Variants in CPNE2 observed in about 807,000 individuals in gnomAD.
The protein encoded by CPNE2 is copine 2.
CPNE2 carries 42 observed loss-of-function variants against 69.7 expected under a neutral mutation model. The ratio of observed to expected loss-of-function variants is 0.60; its 90% confidence interval spans 0.47 to 0.78. The LOEUF (loss-of-function observed/expected upper bound fraction) is 0.78. CPNE2 is among the 30% of genes least tolerant of loss of function. The pLI, the probability that CPNE2 is intolerant of heterozygous loss-of-function variation, is 0.00. For missense variants in CPNE2, 587 were observed against 732.0 expected, an observed-to-expected ratio of 0.80 and a Z score of 2.29; for synonymous variants, 294 against 289.8, an observed-to-expected ratio of 1.01 and a Z score of -0.15.
At chr16:57,110,629 C>T in intron 1 of CPNE2, 79 bp from the exon 2 acceptor site, 1 of 935,606 alleles carries the variant, frequency 1.1e-6, no homozygotes, top group Non-Finnish European at 1.5e-6. Flanking sequence ...TCTTAAAGGC[C>T]AGGTGGTAAT....
intron 1 of CPNE2, among the ~76,000 whole-genome samples, chr16:57,110,224 CTTTTT>C (rs145923720): frequency 5.9e-5 from 7 of 119,056 alleles, no homozygotes; most frequent in Non-Finnish European, 7.1e-5. Flanking sequence ...CTTTTCTTTT[CTTTTT>C]TTTTTTTTTT....
chr16:57,128,457 C>G (rs1219053860), intron 12 of CPNE2, among the ~76,000 whole-genome samples: 1 of 152,058 alleles, frequency 6.6e-6, no homozygotes, highest in Admixed American at 6.5e-5. Context: ...AAACTCCTGA[C>G]CTCAGGTGAT....
intron 12 of CPNE2, among the ~76,000 whole-genome samples, chr16:57,128,837 C>A (rs558174915): frequency 6.6e-6 from 1 of 152,270 alleles, no homozygotes; most frequent in South Asian, 2.1e-4. Context: ...TTAGCTCCGT[C>A]TTATAAGGGA....
chr16:57,123,297 A>C, intron 9 of CPNE2, 117 bp from the exon 10 acceptor site: 1 of 999,286 alleles, frequency 1.0e-6, no homozygotes, highest in Non-Finnish European at 1.6e-6. Context: ...GATCAGGCCC[A>C]TCAGCTTTTT....
chr16:57,136,964 G>A (rs2069886121), intron 13 of CPNE2, among the ~76,000 whole-genome samples, 185 bp from the exon 14 acceptor site: 2 of 152,180 alleles, frequency 1.3e-5, no homozygotes, highest in Admixed American at 6.5e-5. Flanking sequence ...TCACATTCAG[G>A]GCTCTTGGCT....
rs1180190070 is a variant in CPNE2 at position 57,115,489 on chromosome 16, A to C, written c.374A>C (p.Lys125Thr). Residue 125 changes from lysine (K) to threonine (T), a missense_variant, in exon 4 of 16, where the codon AAG (lysine) becomes ACG (threonine). Transcript: ENST00000290776. Reference sequence around the variant, plus strand: ...TCTCTCCCCTAGATCGTCTCCAGCAAGAAGATCACTAGGCCTCTGCTGCTG... The same window carrying C: ...TCTCTCCCCTAGATCGTCTCCAGCACGAAGATCACTAGGCCTCTGCTGCTG... ...SCSLGTIVSS[K>T]KITRPLLLLN... The C allele has an allele frequency of 1.2e-6, 2 of 1,612,038 alleles. No homozygotes were observed. The highest frequency in any genetic ancestry group is 1.7e-6 in the Non-Finnish European group (2 of 1,178,934).
At chr16:57,115,423 T>A in intron 3 of CPNE2, 53 bp from the exon 4 acceptor site, 1 of 1,450,918 alleles carries the variant, frequency 6.9e-7, no homozygotes, top group Non-Finnish European at 9.6e-7. Flanking sequence ...GATTTTTCCT[T>A]CCCGGGCTTC....
At chr16:57,118,676 GGATGGATGGATGGATA>G (rs1463779563) in intron 5 of CPNE2, among the ~76,000 whole-genome samples, 10 of 151,698 alleles carry the variant, frequency 6.6e-5, no homozygotes, top group Admixed American at 5.2e-4. Flanking sequence ...ATGGATGGAT[GGATGGATGGATGGATA>G]GATAGATAGA....
rs939076899 is a variant in CPNE2, at chr16:57,146,605, C to T, written c.1539+284C>T. 16 of 440,622 alleles carry T rather than the reference C, an allele frequency of 3.6e-5. No individual in the cohort carries two copies. Among genetic ancestry groups the T allele is most frequent in the Middle Eastern group, 6.4e-4 (1 of 1,568 alleles). 27.3% of individuals were successfully genotyped at this position (440,622 alleles called of 1,614,324 possible). On this transcript the variant is annotated intron_variant, in intron 15 of 15. Transcript: ENST00000290776. The surrounding 1 kb of genome is among the most constrained non-coding windows in gnomAD (Gnocchi z 4.4). ...GGCAGGGCTTCCTGGAGGACCTGCC[C>T]TCTAGTGGGGTCTGATGAGAGGCTG...
intron 1 of CPNE2, among the ~76,000 whole-genome samples, chr16:57,099,845 G>A (rs1484800522): frequency 5.5e-5 from 8 of 146,594 alleles, no homozygotes; most frequent in African/African-American, 1.8e-4. Context: ...GTGCGATCTC[G>A]GCTCACTGCA....
At chr16:57,118,139 C>T (rs551393678) in intron 5 of CPNE2, among the ~76,000 whole-genome samples, 12 of 150,844 alleles carry the variant, frequency 8.0e-5, no homozygotes, top group African/African-American at 2.9e-4. Flanking sequence ...GTCTCCTTAA[C>T]ACTATTACTG....
chr16:57,146,328 G>C lies in CPNE2; in HGVS notation c.1539+7G>C. On this transcript the variant is annotated splice_region_variant and intron_variant, in intron 15 of 15. Coordinates refer to ENST00000290776, the MANE Select transcript of CPNE2 (RefSeq NM_152727.6). This position sits in a 1 kb window ranked among gnomAD's most constrained non-coding sequence, Gnocchi z 4.4. Reference sequence around the variant, plus strand: ...CTTTCGAGAGTTCCGCAACGTGAGTGTGGGCCTGGGCTGGGAGGGGGCGGT... The same window carrying C: ...CTTTCGAGAGTTCCGCAACGTGAGTCTGGGCCTGGGCTGGGAGGGGGCGGT... The C allele has an allele frequency of 1.3e-6, 2 of 1,544,682 alleles. No individual in the cohort carries two copies. The highest frequency in any genetic ancestry group is 2.4e-5 in the South Asian group (2 of 83,288).
chr16:57,093,623 T>G (rs1597486741), intron 1 of CPNE2, among the ~76,000 whole-genome samples: 1 of 152,032 alleles, frequency 6.6e-6, no homozygotes, highest in Non-Finnish European at 1.5e-5. Context: ...CTGGCTCTGG[T>G]AGCTAATAGG....
At chr16:57,134,910 G>A (rs2069867395) in intron 13 of CPNE2, 84 bp downstream of exon 13, 1 of 1,416,676 alleles carries the variant, frequency 7.1e-7, no homozygotes, top group Non-Finnish European at 9.9e-7. Context: ...CAGAGGACAG[G>A]TTTTCATTTC....
intron 8 of CPNE2, 81 bp downstream of exon 8, chr16:57,121,272 T>C (rs1301191498): frequency 9.1e-6 from 11 of 1,205,278 alleles, no homozygotes; most frequent in Non-Finnish European, 1.2e-5. Flanking sequence ...TCAGGCAGCC[T>C]GGGGCTGAGA....
intron 11 of CPNE2, 81 bp downstream of exon 11, chr16:57,126,074 C>T: frequency 1.3e-6 from 2 of 1,542,236 alleles, no homozygotes; most frequent in African/African-American, 1.4e-5. Flanking sequence ...CTAGAAGGGA[C>T]CCAGAGATCA....
In CPNE2 at chr16:57,115,523, C is replaced by G. The variant is rs747995967; in HGVS notation, c.408C>G (p.Asp136Glu). 9.3e-6 allele frequency: 15 copies of G among 1,612,432 alleles called. No individual in the cohort carries two copies. The Admixed American group carries it at 2.2e-4, about 23-fold the overall frequency. ...KITRPLLLLN[D>E]KPAGKGLITI... Reference sequence around the variant, plus strand: ...CTAGGCCTCTGCTGCTGCTGAATGACAAGCCTGCGGGGAAGGGCTTGATTA... The same window carrying G: ...CTAGGCCTCTGCTGCTGCTGAATGAGAAGCCTGCGGGGAAGGGCTTGATTA... Residue 136 changes from aspartate to glutamate, a missense_variant, in exon 4 of 16, where the codon GAC (aspartate) becomes GAG (glutamate). Around this residue, in one of 5 missense-constraint regions of CPNE2, gnomAD observed 269 missense variants for 300.5 expected, o/e 0.90. Transcript: ENST00000290776.
intron 2 of CPNE2, among the ~76,000 whole-genome samples, chr16:57,111,828 G>A (rs2069683585): frequency 6.6e-6 from 1 of 152,262 alleles, no homozygotes; most frequent in Admixed American, 6.5e-5. Context: ...GCAGCTTGAG[G>A]AAGGATGTTG....
rs906588992 is a variant in CPNE2, at chr16:57,127,723, A to G, written c.1062-126A>G. On this transcript the variant is annotated intron_variant, in intron 11 of 15. Coordinates refer to ENST00000290776, the MANE Select transcript of CPNE2 (RefSeq NM_152727.6). ...GTAGATGATCCTAACAGCTTTTTCT[A>G]GAGGTGGTGAGCTCCTCCTTTCTGT... 4.4e-5 allele frequency: 40 copies of G among 900,516 alleles called. No individual in the cohort carries two copies. The Middle Eastern group carries it at 1.3e-3, about 30-fold the overall frequency. 55.8% of individuals were successfully genotyped at this position (900,516 alleles called of 1,614,324 possible).
Sources: gnomAD v4.1 joint callset for allele counts (sites outside exome capture counted in the v4.1 genomes callset) on GRCh38, gnomAD v4.1.1 for gene constraint, gnomAD v4.1.1 regional missense constraint, Gnocchi (gnomAD v3.1) non-coding constraint, MANE v1.5 for transcripts, NCBI Gene and HGNC (gene_info 2026-07-23, HGNC 2026-07-21) for gene names.